CELF2: variants seen among roughly 807,000 people sequenced by gnomAD.
CELF2 encodes CUG triplet repeat RNA-binding protein 2.
In CELF2, 8 loss-of-function variants were observed where a neutral mutation model predicts 62.6. That is an observed-to-expected ratio of 0.13 (90% CI 0.07 to 0.23). The LOEUF is 0.23. Ranked by LOEUF, CELF2 falls within the 10% of genes least tolerant of loss-of-function variation. The probability of loss-of-function intolerance (pLI) is 1.00; values close to 1 mark genes in which losing one functional copy is unlikely to be tolerated. For missense variants in CELF2, 333 were observed against 671.0 expected, an observed-to-expected ratio of 0.50 and a Z score of 5.56; for synonymous variants, 258 against 250.0, an observed-to-expected ratio of 1.03 and a Z score of -0.30.
chr10:10,911,654 C>T (rs538126571), intron 1 of CELF2, among the ~76,000 whole-genome samples: 2 of 152,224 alleles, frequency 1.3e-5, no homozygotes, highest in Admixed American at 1.3e-4. Flanking sequence ...GGGGCCTGTC[C>T]GGACCTCCGT....
the CELF2 span, among the ~76,000 whole-genome samples, chr10:10,748,565 A>G: frequency 9.9e-5 from 15 of 151,698 alleles, no homozygotes; most frequent in East Asian, 5.8e-4. Flanking sequence ...TGGCTAGCAC[A>G]GTGAAACCCT....
Position 11,237,110 on chromosome 10 carries a change from G to T in CELF2, c.355-12043G>T, listed in dbSNP as rs764765172. 1.1e-4 allele frequency among the ~76,000 whole-genome samples: 17 copies of T among 152,194 alleles called. No individual in the cohort carries two copies. The highest frequency in any genetic ancestry group is 2.1e-4 in the Non-Finnish European group (14 of 68,034). ...AGGCAATGACCAGAACTGGTGAGGA[G>T]GCTGTTTCGGGGATCCAGGTGAGCA... On this transcript the variant is annotated intron_variant, in intron 3 of 12. Coordinates refer to ENST00000633077, the MANE Select transcript of CELF2 (RefSeq NM_001326342.2). This position sits in a 1 kb window ranked among gnomAD's most constrained non-coding sequence, Gnocchi z 4.0.
intron 2 of CELF2, among the ~76,000 whole-genome samples, chr10:11,190,555 A>G (rs1352472247): frequency 6.6e-6 from 1 of 151,988 alleles, no homozygotes; most frequent in African/African-American, 2.4e-5. Flanking sequence ...GGTTCAAGAA[A>G]TGGCTGTTTA....
chr10:10,526,343 T>C, the CELF2 span, among the ~76,000 whole-genome samples: 1 of 152,210 alleles, frequency 6.6e-6, no homozygotes, highest in African/African-American at 2.4e-5. Flanking sequence ...AATTAAAACT[T>C]CAGATAAAGT....
intron 1 of CELF2, among the ~76,000 whole-genome samples, chr10:10,912,620 G>A (rs1215685145): frequency 1.3e-5 from 2 of 152,090 alleles, no homozygotes; most frequent in Non-Finnish European, 2.9e-5. Context: ...TGCTTGCCTC[G>A]GCCTCCCAAA....
rs2050601513 is a variant in CELF2, at chr10:11,098,677, T to A, written c.75-66809T>A. Among the ~76,000 whole-genome samples, 1 of 152,246 alleles carries A rather than the reference T, an allele frequency of 6.6e-6. No individual in the cohort carries two copies. The highest frequency in any genetic ancestry group is 2.4e-5 in the African/African-American group (1 of 41,458). ...TAAATGTGTCATGAGCACACTGTTT[T>A]CTCTGTAGAAATAACAAAGGCCCTG... On this transcript the variant is annotated intron_variant, in intron 1 of 12. Coordinates refer to ENST00000633077, the MANE Select transcript of CELF2 (RefSeq NM_001326342.2). The surrounding 1 kb of genome is among the most constrained non-coding windows in gnomAD (Gnocchi z 4.0).
the CELF2 span, among the ~76,000 whole-genome samples, chr10:10,508,678 G>A: frequency 7.8e-5 from 6 of 76,818 alleles, no homozygotes; most frequent in South Asian, 5.5e-4. Context: ...GTGTGTGTGT[G>A]TGTGTGTGTG....
chr10:11,136,336 C>T (rs2060433351), intron 1 of CELF2, among the ~76,000 whole-genome samples: 4 of 152,216 alleles, frequency 2.6e-5, no homozygotes, highest in Admixed American at 2.6e-4. Flanking sequence ...GGCCCGGTGG[C>T]TCACACCTGT....
intron 2 of CELF2, among the ~76,000 whole-genome samples, chr10:11,204,494 CCT>C (rs1286811285): frequency 1.3e-5 from 2 of 152,196 alleles, no homozygotes; most frequent in Non-Finnish European, 2.9e-5. Flanking sequence ...GAGTCAACCC[CCT>C]GAGTATACAG....
At chr10:10,950,207 C>T (rs2048168411) in intron 2 of CELF2, among the ~76,000 whole-genome samples, 1 of 152,136 alleles carries the variant, frequency 6.6e-6, no homozygotes, top group Non-Finnish European at 1.5e-5. Context: ...GGGCCTGAAC[C>T]GTGGTTTCTG....
intron 3 of CELF2, among the ~76,000 whole-genome samples, chr10:11,235,452 A>C (rs2070841919): frequency 1.3e-5 from 2 of 152,368 alleles, no homozygotes; most frequent in Middle Eastern, 3.4e-3. Flanking sequence ...AGATAAGCAT[A>C]TTTATAGAAC....
chr10:10,891,606 T>C (rs1161232085), intron 1 of CELF2, among the ~76,000 whole-genome samples: 1 of 152,120 alleles, frequency 6.6e-6, no homozygotes, highest in African/African-American at 2.4e-5. Flanking sequence ...GACTCAGACA[T>C]GAGTTTTTAA....
the CELF2 span, among the ~76,000 whole-genome samples, chr10:10,508,670 G>A: frequency 0.25 from 26,554 of 105,374 alleles, 2,426 homozygotes; most frequent in East Asian, 0.42. Context: ...ATGTGTGTGT[G>A]TGTGTGTGTG....
the CELF2 span, among the ~76,000 whole-genome samples, chr10:10,584,013 G>A: frequency 0.032 from 4,823 of 152,160 alleles, 160 homozygotes; most frequent in East Asian, 0.096. Context: ...CCCCAAGACC[G>A]TAGGGGGCTA....
At chr10:11,212,304 C>T (rs1275727746) in intron 2 of CELF2, among the ~76,000 whole-genome samples, 1 of 152,172 alleles carries the variant, frequency 6.6e-6, no homozygotes, top group Non-Finnish European at 1.5e-5. Context: ...CTTCTTGCTG[C>T]TTCATGGCTG....
chr10:10,812,440 CCACTCTCGACTT>C (rs1186009939), intron 1 of CELF2, among the ~76,000 whole-genome samples: 9 of 152,158 alleles, frequency 5.9e-5, no homozygotes, highest in African/African-American at 2.2e-4. Flanking sequence ...CATATCACCA[CCACTCTCGACTT>C]TAGTGCAACA....
the CELF2 span, among the ~76,000 whole-genome samples, chr10:10,679,146 C>T: frequency 6.6e-6 from 1 of 152,104 alleles, no homozygotes; most frequent in Non-Finnish European, 1.5e-5. Flanking sequence ...AAGCTGGTGG[C>T]TATAATTTAT....
chr10:10,996,416 C>T (rs2053957789), intron 2 of CELF2, among the ~76,000 whole-genome samples: 1 of 152,176 alleles, frequency 6.6e-6, no homozygotes, highest in African/African-American at 2.4e-5. Context: ...TTTATTCGAC[C>T]TCTAGGGTCT....
the CELF2 span, among the ~76,000 whole-genome samples, chr10:10,518,717 ATTTT>A: frequency 0.11 from 16,055 of 145,828 alleles, 994 homozygotes; most frequent in South Asian, 0.24. Flanking sequence ...CCACAAAATG[ATTTT>A]TTTTTAAAAA....
Sources: gnomAD v4.1 joint callset for allele counts (sites outside exome capture counted in the v4.1 genomes callset) on GRCh38, gnomAD v4.1.1 for gene constraint, Gnocchi (gnomAD v3.1) non-coding constraint, MANE v1.5 for transcripts, NCBI Gene and HGNC (gene_info 2026-07-23, HGNC 2026-07-21) for gene names.